Variants in PIP4P2 observed in about 807,000 individuals in gnomAD.
The protein encoded by PIP4P2 is type 2 phosphatidylinositol 4,5-bisphosphate 4-phosphatase.
A neutral mutation model predicts 33.3 loss-of-function variants in PIP4P2; 19 were observed. The ratio of observed to expected loss-of-function variants is 0.57; its 90% CI spans 0.40 to 0.84. The LOEUF is 0.84. Among genes scored for constraint, PIP4P2 ranks in the 40% least tolerant of loss-of-function variants. The pLI is 0.00. For synonymous variants in PIP4P2, 110 were observed against 111.9 expected (o/e 0.98, Z 0.11); for missense variants, 270 against 324.7 (o/e 0.83, Z 1.29).
At chr8:91,040,357 C>T (rs1812286882) in intron 1 of PIP4P2, among the ~76,000 whole-genome samples, 1 of 151,902 alleles carries the variant, frequency 6.6e-6, no homozygotes, top group Admixed American at 6.6e-5. Context: ...CATACTGTAG[C>T]CCTGGGTAAG....
intron 5 of PIP4P2, among the ~76,000 whole-genome samples, chr8:90,998,744 A>T (rs896193865): frequency 2.6e-5 from 4 of 152,068 alleles, no homozygotes; most frequent in Non-Finnish European, 4.4e-5. Flanking sequence ...CCTTCCTCAT[A>T]CCAAATTTAA....
chr8:91,027,903 G>T (rs1341511747), intron 1 of PIP4P2, among the ~76,000 whole-genome samples: 1 of 152,126 alleles, frequency 6.6e-6, no homozygotes, highest in Non-Finnish European at 1.5e-5. Flanking sequence ...CTTCACTAAG[G>T]CATCAATAAA....
At chr8:91,023,182 T>C (rs1251611570) in intron 1 of PIP4P2, among the ~76,000 whole-genome samples, 1 of 150,994 alleles carries the variant, frequency 6.6e-6, no homozygotes, top group Non-Finnish European at 1.5e-5. Flanking sequence ...GCCTGGTATA[T>C]GATAATGAAT....
intron 3 of PIP4P2, among the ~76,000 whole-genome samples, chr8:91,019,082 A>C (rs1811961208): frequency 6.6e-6 from 1 of 152,134 alleles, no homozygotes; most frequent in Admixed American, 6.6e-5. Flanking sequence ...CAGAAAAAAA[A>C]CACAAGTAAG....
chr8:91,012,519 T>C (rs2130361380), intron 4 of PIP4P2, among the ~76,000 whole-genome samples: 1 of 152,190 alleles, frequency 6.6e-6, no homozygotes, highest in Admixed American at 6.6e-5. Flanking sequence ...AATCCAAAAC[T>C]CTCAAAAGTA....
At chr8:91,014,121 A>G (rs1811878792) in intron 4 of PIP4P2, among the ~76,000 whole-genome samples, 1 of 152,170 alleles carries the variant, frequency 6.6e-6, no homozygotes, top group Non-Finnish European at 1.5e-5. Context: ...TTTTTGGACA[A>G]TGGAAAGCAG....
intron 4 of PIP4P2, among the ~76,000 whole-genome samples, chr8:91,011,699 T>A (rs559219008): frequency 1.7e-4 from 26 of 152,184 alleles, no homozygotes; most frequent in African/African-American, 6.3e-4. Flanking sequence ...GAATACACTT[T>A]GGAAAACGCA....
intron 5 of PIP4P2, among the ~76,000 whole-genome samples, chr8:91,008,513 T>C (rs927841302): frequency 1.3e-5 from 2 of 152,224 alleles, no homozygotes; most frequent in Non-Finnish European, 2.9e-5. Context: ...TTTCTTATAA[T>C]AGAAATTGAT....
chr8:91,011,706 C>T (rs1304212591), intron 4 of PIP4P2, among the ~76,000 whole-genome samples: 5 of 151,954 alleles, frequency 3.3e-5, no homozygotes, highest in African/African-American at 7.2e-5. Context: ...CTTTGGAAAA[C>T]GCAAATCTGG....
At chr8:91,013,989 T>C (rs1470177331) in intron 4 of PIP4P2, among the ~76,000 whole-genome samples, 1 of 152,184 alleles carries the variant, frequency 6.6e-6, no homozygotes, top group Non-Finnish European at 1.5e-5. Context: ...TCTGGTTAAA[T>C]ACAGTAAATT....
intron 1 of PIP4P2, among the ~76,000 whole-genome samples, chr8:91,028,386 C>G (rs1377632776): frequency 3.3e-5 from 5 of 152,138 alleles, no homozygotes; most frequent in African/African-American, 9.7e-5. Flanking sequence ...AGGCTATTTA[C>G]AAGACTGTGT....
chr8:91,003,075 T>C (rs1811720699), intron 5 of PIP4P2, among the ~76,000 whole-genome samples: 3 of 152,192 alleles, frequency 2.0e-5, no homozygotes, highest in Non-Finnish European at 2.9e-5. Flanking sequence ...GAATAATTTA[T>C]ATGAAACTAA....
intron 5 of PIP4P2, among the ~76,000 whole-genome samples, chr8:91,006,047 C>T (rs1446982266): frequency 6.6e-6 from 1 of 152,194 alleles, no homozygotes; most frequent in Non-Finnish European, 1.5e-5. Context: ...AAGCACATAA[C>T]ACACTTGTTT....
chr8:91,014,154 C>T (rs775092723), intron 4 of PIP4P2, among the ~76,000 whole-genome samples: 7 of 152,166 alleles, frequency 4.6e-5, no homozygotes, highest in Non-Finnish European at 1.0e-4. Flanking sequence ...ACTCACTTAG[C>T]GAAAGGGATG....
chr8:91,028,699 C>A (rs149220956), intron 1 of PIP4P2, among the ~76,000 whole-genome samples: 40 of 152,296 alleles, frequency 2.6e-4, no homozygotes, highest in African/African-American at 9.1e-4. Flanking sequence ...AAAAGCAACA[C>A]CACATCCCTG....
At chr8:91,032,780 CAAAAA>C (rs34482470) in intron 1 of PIP4P2, among the ~76,000 whole-genome samples, 2 of 98,756 alleles carry the variant, frequency 2.0e-5, no homozygotes, top group African/African-American at 4.1e-5. Flanking sequence ...GAGTCTGTCT[CAAAAA>C]AAAAAAAAAA....
At chr8:91,021,164 T>C (rs893990429) in intron 2 of PIP4P2, 92 bp downstream of exon 2, 2 of 1,436,486 alleles carry the variant, frequency 1.4e-6, no homozygotes, top group African/African-American at 1.4e-5. Context: ...CCAGCCCACA[T>C]ATACTTTTAA....
At chr8:91,010,652 C>T (rs1811821680) in intron 4 of PIP4P2, among the ~76,000 whole-genome samples, 1 of 151,756 alleles carries the variant, frequency 6.6e-6, no homozygotes, top group African/African-American at 2.4e-5. Context: ...GAATAATTTT[C>T]TTATAATTTA....
In PIP4P2 at chr8:91,040,847, T is replaced by A; in HGVS notation, c.-98A>T. 8.0e-6 allele frequency: 8 copies of A among 994,434 alleles called. No individual in the cohort carries two copies. The East Asian group carries it at 1.1e-4, about 14-fold the overall frequency. The allele number at this position is 994,434 out of a possible 1,614,324, so 61.6% of individuals were successfully genotyped here. Reference sequence around the variant, plus strand: ...CTGCCTCTGCTGCCGCTGCTGCCGCTGCAGCTGCTGCTGCTGCCGCCTCCG... The same window carrying A: ...CTGCCTCTGCTGCCGCTGCTGCCGCAGCAGCTGCTGCTGCTGCCGCCTCCG... On this transcript the variant is annotated 5_prime_UTR_variant, in exon 1 of 7. Coordinates refer to ENST00000285419, the MANE Select transcript of PIP4P2 (RefSeq NM_018710.3).
Sources: gnomAD v4.1 joint callset for allele counts (sites outside exome capture counted in the v4.1 genomes callset) on GRCh38, gnomAD v4.1.1 for gene constraint, MANE v1.5 for transcripts, NCBI Gene and HGNC (gene_info 2026-07-23, HGNC 2026-07-21) for gene names.